TANGO6: variants seen among roughly 807,000 people sequenced by gnomAD.
TANGO6 encodes transport and Golgi organization protein 6 homolog.
Under a neutral mutation model 114.2 loss-of-function variants are expected in TANGO6, and 90 were observed. The observed-to-expected ratio is 0.79, with a 90% CI of 0.66 to 0.94. The LOEUF is 0.94. TANGO6 is among the 40% of genes least tolerant of loss of function. The pLI, the probability that TANGO6 is intolerant of heterozygous loss-of-function variation, is 0.00. For missense variants in TANGO6, 1,274 were observed against 1,315.3 expected, an observed-to-expected ratio of 0.97 and a Z score of 0.49; for synonymous variants, 477 against 509.8, an observed-to-expected ratio of 0.94 and a Z score of 0.87.
intron 14 of TANGO6, among the ~76,000 whole-genome samples, chr16:68,972,764 A>C (rs1314274202): frequency 6.6e-6 from 1 of 152,216 alleles, no homozygotes; most frequent in Non-Finnish European, 1.5e-5. Context: ...AGACAAATGA[A>C]GCAGGGTGAG....
Position 68,982,630 on chromosome 16 carries a change from C to CTTTTT in TANGO6, c.2842+8480_2842+8484dup, listed in dbSNP as rs562523656. On this transcript the variant is annotated intron_variant, in intron 15 of 17. Coordinates refer to ENST00000261778, the MANE Select transcript of TANGO6 (RefSeq NM_024562.2). Reference sequence around the variant, plus strand: ...CAGGCATGAGCCACCATGCCCTGGCCTTTTTTTTTTTTTTTTTTTTTTGTA... The same window carrying CTTTTT: ...CAGGCATGAGCCACCATGCCCTGGCCTTTTTTTTTTTTTTTTTTTTTTTTTTTGTA... 2.8e-4 allele frequency among the ~76,000 whole-genome samples: 29 copies of CTTTTT among 105,304 alleles called. 1 individual carries two copies. Among genetic ancestry groups the CTTTTT allele is most frequent in the Non-Finnish European group, 2.9e-4 (16 of 54,682 alleles). The allele number at this position is 105,304 out of a possible 152,430, so 69.1% of individuals were successfully genotyped here.
chr16:68,888,505 C>T (rs1166690321), intron 7 of TANGO6, among the ~76,000 whole-genome samples: 1 of 152,164 alleles, frequency 6.6e-6, no homozygotes, highest in African/African-American at 2.4e-5. Flanking sequence ...TGACACTCTT[C>T]CTAAAAGCAG....
chr16:69,038,827 G>T (rs1959731016), intron 16 of TANGO6, among the ~76,000 whole-genome samples: 1 of 151,852 alleles, frequency 6.6e-6, no homozygotes, highest in Non-Finnish European at 1.5e-5. Context: ...CAGATCACCT[G>T]AAGTCAGGAG....
At chr16:69,031,287 C>T (rs1472931592) in intron 16 of TANGO6, among the ~76,000 whole-genome samples, 1 of 151,878 alleles carries the variant, frequency 6.6e-6, no homozygotes, top group African/African-American at 2.4e-5. Context: ...TTGTCATACC[C>T]CCAATACCTA....
chr16:68,975,086 A>G (rs1258581449), intron 15 of TANGO6, among the ~76,000 whole-genome samples: 1 of 152,146 alleles, frequency 6.6e-6, no homozygotes, highest in African/African-American at 2.4e-5. Flanking sequence ...GCAGGGAAGG[A>G]AGAGTGCTGA....
At chr16:68,908,345 A>G (rs985278481) in intron 10 of TANGO6, among the ~76,000 whole-genome samples, 14 of 152,198 alleles carry the variant, frequency 9.2e-5, no homozygotes, top group Admixed American at 7.2e-4. Context: ...GTGCCCAGCA[A>G]TACTCTTTCT....
chr16:68,978,950 G>A (rs1963791604), intron 15 of TANGO6, among the ~76,000 whole-genome samples: 1 of 147,960 alleles, frequency 6.8e-6, no homozygotes, highest in Non-Finnish European at 1.5e-5. Flanking sequence ...TTTGAGACAG[G>A]GTCTCGTTCT....
intron 7 of TANGO6, among the ~76,000 whole-genome samples, chr16:68,891,364 G>T (rs1962616475): frequency 6.6e-6 from 1 of 151,910 alleles, no homozygotes; most frequent in African/African-American, 2.4e-5. Context: ...GGTGGATGAG[G>T]CAGGAGAATC....
chr16:68,930,867 C>G (rs1044785751), intron 14 of TANGO6, among the ~76,000 whole-genome samples: 2 of 152,078 alleles, frequency 1.3e-5, no homozygotes, highest in African/African-American at 2.4e-5. Flanking sequence ...GAACTCCTGA[C>G]CTCCAGTGAT....
chr16:69,048,988 C>G (rs533041075), intron 17 of TANGO6, among the ~76,000 whole-genome samples: 1 of 152,238 alleles, frequency 6.6e-6, no homozygotes, highest in South Asian at 2.1e-4. Flanking sequence ...TGCTGCTGAC[C>G]CGAAGGAGGT....
At chr16:69,029,857 C>G (rs1388999125) in intron 16 of TANGO6, among the ~76,000 whole-genome samples, 1 of 152,064 alleles carries the variant, frequency 6.6e-6, no homozygotes, top group African/African-American at 2.4e-5. Context: ...CCTGTAATCC[C>G]AGCACTTTGG....
intron 1 of TANGO6, among the ~76,000 whole-genome samples, chr16:68,852,362 GTTA>G (rs1399463229): frequency 2.6e-5 from 4 of 151,906 alleles, no homozygotes; most frequent in African/African-American, 9.7e-5. Flanking sequence ...ATTGGACATA[GTTA>G]TTATCAATTA....
chr16:68,958,346 G>A (rs549385634), intron 14 of TANGO6, among the ~76,000 whole-genome samples: 156 of 151,576 alleles, frequency 1.0e-3, no homozygotes, highest in Non-Finnish European at 1.7e-3. Flanking sequence ...AAAATTAGCC[G>A]GGCGTGGTGG....
At chr16:69,021,511 C>T (rs1200583994) in intron 15 of TANGO6, among the ~76,000 whole-genome samples, 1 of 152,078 alleles carries the variant, frequency 6.6e-6, no homozygotes, top group Non-Finnish European at 1.5e-5. Flanking sequence ...AACATTCTAT[C>T]TAATTTACAC....
At chr16:69,017,074 CAG>C (rs1306177405) in intron 15 of TANGO6, among the ~76,000 whole-genome samples, 1 of 151,844 alleles carries the variant, frequency 6.6e-6, no homozygotes, top group Admixed American at 6.6e-5. Context: ...TGAAGGGTAA[CAG>C]GGAGTAGTGA....
At position 68,893,757 on chromosome 16, in the gene TANGO6, C is replaced by CA. The variant is rs796651419; in HGVS notation, c.1378-6660dup. On this transcript the variant is annotated intron_variant, in intron 7 of 17. Transcript: ENST00000261778. ...TCTCAAAAAAAAAAAAGAAAACAAC[C>CA]AAAAAAAAAAAAAAAAAGGAAAAGA... 5.8e-3 allele frequency among the ~76,000 whole-genome samples: 491 copies of CA among 84,026 alleles called. 2 individuals are homozygous for CA. The highest frequency in any genetic ancestry group is 0.016 in the South Asian group (41 of 2,596). The allele number at this position is 84,026 out of a possible 152,430, so 55.1% of individuals were successfully genotyped here. A position where few individuals can be genotyped will look rare whatever the true frequency, so the allele number is the denominator to read the frequency against.
At chr16:68,904,786 T>C (rs1490321446) in intron 9 of TANGO6, among the ~76,000 whole-genome samples, 1 of 152,252 alleles carries the variant, frequency 6.6e-6, no homozygotes, top group South Asian at 2.1e-4. Context: ...TTTGTTTATA[T>C]GATAATATGG....
chr16:68,922,939 GT>G (rs531603542), intron 12 of TANGO6, among the ~76,000 whole-genome samples: 673 of 79,022 alleles, frequency 8.5e-3, no homozygotes, highest in Non-Finnish European at 0.012. Context: ...CTTAGGTCAT[GT>G]TTTTTTTTTT....
chr16:69,007,449 T>C (rs1185364591), intron 15 of TANGO6, among the ~76,000 whole-genome samples: 1 of 151,966 alleles, frequency 6.6e-6, no homozygotes, highest in Non-Finnish European at 1.5e-5. Context: ...TTTTGTATTT[T>C]TAGTAGAGAC....
Sources: allele counts gnomAD v4.1 joint callset (sites outside exome capture counted in the v4.1 genomes callset), GRCh38; gene constraint gnomAD v4.1.1; transcripts MANE v1.5; gene names NCBI Gene and HGNC (gene_info 2026-07-23, HGNC 2026-07-21).